The following PDGFA variants were observed in gnomAD, a reference collection of about 807,000 sequenced individuals.
PDGFA encodes platelet-derived growth factor subunit A.
A neutral mutation model predicts 25.6 loss-of-function variants in PDGFA; 9 were observed. That is an observed-to-expected ratio of 0.35 (90% CI 0.21 to 0.61). The LOEUF (loss-of-function observed/expected upper bound fraction) is 0.61, where lower values mean the gene tolerates loss of function less well. Ranked by LOEUF, PDGFA falls within the 20% of genes least tolerant of loss-of-function variation. The probability of loss-of-function intolerance (pLI) is 0.75; values close to 1 mark genes in which losing one functional copy is unlikely to be tolerated. For missense variants in PDGFA, 242 were observed against 272.8 expected, an observed-to-expected ratio of 0.89 and a Z score of 0.79; for synonymous variants, 133 against 111.8, an observed-to-expected ratio of 1.19 and a Z score of -1.20.
intron 4 of PDGFA, 96 bp from the exon 5 acceptor site, chr7:501,338 G>A: frequency 1.3e-6 from 2 of 1,494,786 alleles, no homozygotes; most frequent in Non-Finnish European, 1.8e-6. Flanking sequence ...AGGGAGGAGA[G>A]AGCAGCCTGA....
intron 2 of PDGFA, 77 bp from the exon 3 acceptor site, chr7:512,532 A>G (rs761913935): frequency 1.2e-6 from 2 of 1,605,194 alleles, no homozygotes; most frequent in South Asian, 1.1e-5. Flanking sequence ...CGCACTTCCC[A>G]CAGACCAGCT....
rs751658521 is a variant in PDGFA at position 501,105 on chromosome 7, C to G, written c.580+11G>C. The G allele has an allele frequency of 5.0e-6, 8 of 1,614,142 alleles. No homozygotes were observed. The East Asian group carries it at 1.1e-4, about 22-fold the overall frequency. ...TCTCCAACACCGATGCCGACGAAGGCAGCCACTCACCCGTGTCCTCTTCCC... is the reference window on the plus strand; with the variant it reads ...TCTCCAACACCGATGCCGACGAAGGGAGCCACTCACCCGTGTCCTCTTCCC... On this transcript the variant is annotated intron_variant, in intron 5 of 5. Transcript: ENST00000402802.
At chr7:502,794 A>ACACACT (rs1782405110) in intron 4 of PDGFA, among the ~76,000 whole-genome samples, 1 of 147,350 alleles carries the variant, frequency 6.8e-6, no homozygotes, top group Non-Finnish European at 1.5e-5. Flanking sequence ...ACACACACAC[A>ACACACT]CACACACACA....
At chr7:503,562 G>A (rs777670175) in intron 4 of PDGFA, among the ~76,000 whole-genome samples, 45 of 152,188 alleles carry the variant, frequency 3.0e-4, no homozygotes, top group Non-Finnish European at 5.4e-4. Flanking sequence ...CCTTCTTGGG[G>A]GGAAGGGGGG....
At chr7:511,901 C>CG (rs1029307481) in intron 3 of PDGFA, among the ~76,000 whole-genome samples, 102 of 147,648 alleles carry the variant, frequency 6.9e-4, no homozygotes, top group Middle Eastern at 3.5e-3. Flanking sequence ...GTGAGGGTGT[C>CG]GGGGGGCAGC....
At chr7:512,741 G>A (rs1019706142) in intron 2 of PDGFA, 64 of 1,165,750 alleles carry the variant, frequency 5.5e-5, no homozygotes, top group Middle Eastern at 3.4e-4. Context: ...AGGGCCCTTC[G>A]GGGAAGAGGT....
At position 504,566 on chromosome 7, in the gene PDGFA, A is replaced by G. The variant is rs112641554; in HGVS notation, c.454-3324T>C. The stretch of plus-strand genomic sequence containing the variant: ...AACAGCACCAGCCTCACACCCTGCC[A>G]TCTCCCAGGCTCGAAGCACCCATAC... On this transcript the variant is annotated intron_variant, in intron 4 of 5. Transcript: ENST00000402802. Among the ~76,000 whole-genome samples, 448 of 152,162 alleles carry G rather than the reference A, an allele frequency of 2.9e-3. 1 individual carries two copies. Among genetic ancestry groups the G allele is most frequent in the African/African-American group, 0.01 (423 of 41,506 alleles).
intron 2 of PDGFA, among the ~76,000 whole-genome samples, chr7:515,580 C>T (rs558723913): frequency 4.6e-5 from 7 of 152,212 alleles, no homozygotes; most frequent in African/African-American, 1.7e-4. Context: ...GTAGATGCCA[C>T]CCCCATATTC....
At chr7:512,518 C>G (rs1260427433) in intron 2 of PDGFA, 63 bp from the exon 3 acceptor site, 2 of 1,609,976 alleles carry the variant, frequency 1.2e-6, no homozygotes, top group African/African-American at 2.7e-5. Flanking sequence ...TGGGCCTGTC[C>G]AGCCGCACTT....
rs755566827 is a variant in PDGFA at position 501,293 on chromosome 7, C to T, written c.454-51G>A. 4.4e-6 allele frequency: 7 copies of T among 1,609,004 alleles called. No homozygotes were observed. In the South Asian group the frequency reaches 5.5e-5, roughly 13 times the overall value. On this transcript the variant is annotated intron_variant, in intron 4 of 5. Transcript: ENST00000402802. ...ATGAATGCCTGCATGGAGCTTCGGA[C>T]ATCACGACGTGCTGGGAGCCGGGGA... is the stretch of plus-strand genomic sequence containing the variant.
chr7:504,522 C>T (rs1043863550), intron 4 of PDGFA, among the ~76,000 whole-genome samples: 1 of 152,170 alleles, frequency 6.6e-6, no homozygotes, highest in African/African-American at 2.4e-5. Context: ...AGGCCCTGGA[C>T]ACAGGTCCCA....
chr7:519,878 G>GCGCCGCCGCCGCGCCC (rs1307900706), upstream of PDGFA: 6 of 152,874 alleles, frequency 3.9e-5, no homozygotes, highest in African/African-American at 1.3e-4. Flanking sequence ...GAGGGTTATA[G>GCGCCGCCGCCGCGCCC]CGCCGCCGCC....
At chr7:505,355 C>G (rs375092710) in intron 4 of PDGFA, among the ~76,000 whole-genome samples, 1 of 152,182 alleles carries the variant, frequency 6.6e-6, no homozygotes, top group Admixed American at 6.5e-5. Context: ...AGTTCATCTG[C>G]GTCGTAAGCC....
In PDGFA at chr7:500,976, G is replaced by A. The variant is rs775164733; in HGVS notation, c.580+140C>T. The A allele has an allele frequency of 6.6e-5, 106 of 1,599,108 alleles. No individual in the cohort carries two copies. Among genetic ancestry groups the A allele is most frequent in the Non-Finnish European group, 7.9e-5 (93 of 1,178,708 alleles). On this transcript the variant is annotated intron_variant, in intron 5 of 5. Coordinates refer to ENST00000402802, the Ensembl canonical transcript of PDGFA. This position sits in a 1 kb window ranked among gnomAD's most constrained non-coding sequence, Gnocchi z 5.0. Reference sequence around the variant, plus strand: ...TCCCCCGCAGGCATCTGGCCCGGGAGCAGGGCAACGAATCCTTCAACAGCA... The same window carrying A: ...TCCCCCGCAGGCATCTGGCCCGGGAACAGGGCAACGAATCCTTCAACAGCA...
rs1216130855 is a variant in PDGFA at position 517,409 on chromosome 7, C to T, written c.145G>A (p.Glu49Lys). 2.9e-6 allele frequency: 4 copies of T among 1,386,616 alleles called. No individual in the cohort carries two copies. Among genetic ancestry groups the T allele is most frequent in the Non-Finnish European group, 3.8e-6 (4 of 1,054,680 alleles). The allele number at this position is 1,386,616 out of a possible 1,614,324, so 85.9% of individuals were successfully genotyped here. ...CGCGATTTACCTACGGAGTCTATCT[C>T]CAGGAGTCGCTGGAGGTCCCGGATG... Residue 49 changes from glutamate to lysine, a missense_variant, in exon 2 of 6, where the codon GAG becomes AAG. Coordinates refer to ENST00000402802, the Ensembl canonical transcript of PDGFA. This position sits in a 1 kb window ranked among gnomAD's most constrained non-coding sequence, Gnocchi z 7.4.
chr7:514,594 GTCT>G (rs1479371781), intron 2 of PDGFA, among the ~76,000 whole-genome samples: 3 of 152,202 alleles, frequency 2.0e-5, no homozygotes, highest in African/African-American at 7.2e-5. Context: ...TTTCCCTTTT[GTCT>G]TTTAGGCACA....
intron 2 of PDGFA, among the ~76,000 whole-genome samples, chr7:516,045 C>CG (rs1783079173): frequency 3.1e-5 from 2 of 64,992 alleles, no homozygotes; most frequent in African/African-American, 5.4e-5. Context: ...AAGCAGCCCC[C>CG]CCCCCCCACT....
At chr7:501,192 C>T (rs758208230) in exon 5 of PDGFA, 20 of 1,614,234 alleles carry the variant, frequency 1.2e-5, no homozygotes, top group Admixed American at 1.7e-5. Context: ...CTAACCTCAC[C>T]TGGACTTCTT....
intron 2 of PDGFA, among the ~76,000 whole-genome samples, chr7:516,733 CTG>C (rs1349839871): frequency 1.3e-5 from 2 of 152,028 alleles, no homozygotes; most frequent in African/African-American, 4.8e-5. Flanking sequence ...CAGCAAAACT[CTG>C]TGCTTGCAAA....
Sources: allele counts gnomAD v4.1 joint callset (sites outside exome capture counted in the v4.1 genomes callset), GRCh38; gene constraint gnomAD v4.1.1; non-coding constraint Gnocchi (gnomAD v3.1); transcripts MANE v1.5; gene names NCBI Gene and HGNC (gene_info 2026-07-23, HGNC 2026-07-21).